Variants in SLC30A6 observed in about 807,000 individuals in gnomAD.
SLC30A6 encodes the protein zinc transporter 6.
In SLC30A6, 55 loss-of-function variants were observed where a neutral mutation model predicts 63.0. The ratio of observed to expected loss-of-function variants is 0.87; its 90% CI spans 0.70 to 1.09. The LOEUF (loss-of-function observed/expected upper bound fraction) is 1.09, where lower values mean the gene tolerates loss of function less well. Ranked by LOEUF, SLC30A6 falls within the 50% of genes least tolerant of loss-of-function variation. The pLI is 0.00. For synonymous variants in SLC30A6, 224 were observed against 186.1 expected (o/e 1.20, Z -1.66); for missense variants, 587 against 549.2 (o/e 1.07, Z -0.69).
intron 3 of SLC30A6, among the ~76,000 whole-genome samples, 186 bp downstream of exon 3, chr2:32,174,333 AT>A (rs370851487): frequency 2.6e-4 from 39 of 151,432 alleles, no homozygotes; most frequent in African/African-American, 9.2e-4. Flanking sequence ...TAGGATTGTA[AT>A]TTTTTTTTAA....
Position 32,171,639 on chromosome 2 carries a change from T to C in SLC30A6, c.90+266T>C, listed in dbSNP as rs974683417. On this transcript the variant is annotated intron_variant, in intron 2 of 13. Coordinates refer to ENST00000282587, the MANE Select transcript of SLC30A6 (RefSeq NM_017964.5). ...ATGGTTTTGTGGTTGCTTTTTGTTA[T>C]TAAGTTTTCAAAAAATTAAATGGAT... is the stretch of plus-strand genomic sequence containing the variant. Among the ~76,000 whole-genome samples the C allele has an allele frequency of 5.3e-5, 8 of 152,236 alleles. No homozygotes were observed. The South Asian group carries it at 8.3e-4, about 16-fold the overall frequency.
At chr2:32,190,353 G>A (rs1683216409) in intron 5 of SLC30A6, among the ~76,000 whole-genome samples, 1 of 151,908 alleles carries the variant, frequency 6.6e-6, no homozygotes, top group African/African-American at 2.4e-5. Context: ...CAGCTACTTG[G>A]GAGGCTGAGG....
At chr2:32,197,310 C>G in intron 8 of SLC30A6, 34 bp from the exon 9 acceptor site, 2 of 1,561,156 alleles carry the variant, frequency 1.3e-6, no homozygotes, top group East Asian at 2.3e-5. Flanking sequence ...TTTTTTTCTT[C>G]TATATAGATA....
At position 32,220,318 on chromosome 2, in the gene SLC30A6, AT is replaced by A; in HGVS notation, c.995del (p.Phe332SerfsTer20). ...TCTAGTGTCTACTCTAACTGTTCAAATTTTCAAGGATGACTGGATTAGGCCT... is the reference window on the plus strand; with the variant it reads ...TCTAGTGTCTACTCTAACTGTTCAAATTTCAAGGATGACTGGATTAGGCCT... ...YTLVSTLTVQ[I>X]FKDDWIRPAL... On this transcript the variant is annotated frameshift_variant, in exon 14 of 14. Coordinates refer to ENST00000282587, the MANE Select transcript of SLC30A6 (RefSeq NM_017964.5). LOFTEE classifies it high-confidence loss of function. The A allele has an allele frequency of 6.2e-7, 1 of 1,614,164 alleles. No individual in the cohort carries two copies. Among genetic ancestry groups the A allele is most frequent in the East Asian group, 2.2e-5 (1 of 44,886 alleles).
In SLC30A6 at chr2:32,220,202, G is replaced by A. The variant is rs776169020; in HGVS notation, c.886-11G>A. 5.0e-6 allele frequency: 8 copies of A among 1,597,130 alleles called. No homozygotes were observed. The South Asian group carries it at 8.9e-5, about 18-fold the overall frequency. On this transcript the variant is annotated splice_polypyrimidine_tract_variant and intron_variant, in intron 13 of 13. Transcript: ENST00000282587. ...TAAGCAATCTCTTTGTTATGATTTT[G>A]CCCCTTTTAGGCTGGATCAGTGCAT... is the stretch of plus-strand genomic sequence containing the variant.
At chr2:32,169,219 A>G (rs1379233626) in intron 1 of SLC30A6, among the ~76,000 whole-genome samples, 1 of 152,160 alleles carries the variant, frequency 6.6e-6, no homozygotes, top group Non-Finnish European at 1.5e-5. Flanking sequence ...TCTGTTGCCC[A>G]GGCTTGAGTA....
At chr2:32,191,666 T>TG (rs1464577207) in intron 5 of SLC30A6, among the ~76,000 whole-genome samples, 3 of 152,200 alleles carry the variant, frequency 2.0e-5, no homozygotes, top group African/African-American at 7.2e-5. Context: ...ACCTTCTACT[T>TG]GCTATCTATA....
At position 32,174,113 on chromosome 2, in the gene SLC30A6, C is replaced by T. The variant is rs1227070172; in HGVS notation, c.141C>T (p.Phe47=). Residue 47 remains phenylalanine, a synonymous_variant, in exon 3 of 14, where the codon TTC becomes TTT. Coordinates refer to ENST00000282587, the MANE Select transcript of SLC30A6 (RefSeq NM_017964.5). ...FGVINLICTG[F]LLMWCSSTNS... The stretch of plus-strand genomic sequence containing the variant: ...TAATAAACTTGATATGTACTGGCTT[C>T]CTGCTTATGTGGTGCAGTTCTACTA... The T allele has an allele frequency of 6.2e-7, 1 of 1,613,544 alleles. No individual in the cohort carries two copies. The highest frequency in any genetic ancestry group is 1.7e-5 in the Admixed American group (1 of 59,980).
intron 10 of SLC30A6, chr2:32,201,784 A>G: frequency 7.4e-7 from 1 of 1,356,792 alleles, no homozygotes; most frequent in South Asian, 1.2e-5. Flanking sequence ...CTGAAAATAC[A>G]TTACACAGTG....
intron 13 of SLC30A6, chr2:32,214,397 T>G (rs1334376368): frequency 6.6e-6 from 1 of 152,180 alleles, no homozygotes; most frequent in African/African-American, 2.4e-5. Flanking sequence ...CTACACACCT[T>G]GAGTCTTATG....
intron 11 of SLC30A6, among the ~76,000 whole-genome samples, chr2:32,206,656 G>C (rs1351170614): frequency 1.3e-5 from 2 of 152,124 alleles, no homozygotes; most frequent in African/African-American, 4.8e-5. Context: ...GGTTGTTTAA[G>C]TGTTATTTAT....
intron 10 of SLC30A6, chr2:32,203,927 G>C (rs1684517406): frequency 1.3e-5 from 11 of 836,528 alleles, no homozygotes. Context: ...CGCTCAGGAA[G>C]TTGACAAGAT....
At chr2:32,171,151 A>G (rs1050831790) in intron 1 of SLC30A6, 136 bp from the exon 2 acceptor site, 4 of 607,164 alleles carry the variant, frequency 6.6e-6, no homozygotes, top group Non-Finnish European at 1.1e-5. Flanking sequence ...TAAAGTGTCT[A>G]GAATAAGTGC....
chr2:32,214,797 G>T (rs898632456), intron 13 of SLC30A6, among the ~76,000 whole-genome samples: 1 of 152,152 alleles, frequency 6.6e-6, no homozygotes, highest in African/African-American at 2.4e-5. Context: ...TGAAAACAGA[G>T]TTTCCTTATT....
chr2:32,207,259 G>A (rs142438486), intron 12 of SLC30A6, among the ~76,000 whole-genome samples: 1 of 151,856 alleles, frequency 6.6e-6, no homozygotes, highest in East Asian at 1.9e-4. Context: ...TTGCCAGGCT[G>A]TAGTGCAGTG....
intron 1 of SLC30A6, 81 bp downstream of exon 1, chr2:32,165,984 C>T (rs1680608973): frequency 3.8e-6 from 6 of 1,597,144 alleles, no homozygotes; most frequent in East Asian, 2.2e-5. Context: ...CCTTGAAATC[C>T]CTCAGCCACC....
At chr2:32,204,534 T>G (rs1684572374) in intron 10 of SLC30A6, 56 bp from the exon 11 acceptor site, 6 of 1,184,502 alleles carry the variant, frequency 5.1e-6, no homozygotes, top group Non-Finnish European at 7.4e-6. Context: ...GAGATTTAAT[T>G]GTAATATGCC....
At chr2:32,211,929 C>T (rs1254568961) in intron 13 of SLC30A6, among the ~76,000 whole-genome samples, 3 of 152,076 alleles carry the variant, frequency 2.0e-5, no homozygotes, top group South Asian at 2.1e-4. Flanking sequence ...CCACAGTGCA[C>T]GCTTTTGATA....
chr2:32,212,894 A>ATTT (rs10522618), intron 13 of SLC30A6, among the ~76,000 whole-genome samples: 1 of 118,258 alleles, frequency 8.5e-6, no homozygotes, highest in Non-Finnish European at 1.7e-5. Context: ...TGTGTCCAGC[A>ATTT]TTTTTTTTTT....
Sources: gnomAD v4.1 joint callset for allele counts (sites outside exome capture counted in the v4.1 genomes callset) on GRCh38, gnomAD v4.1.1 for gene constraint, MANE v1.5 for transcripts, NCBI Gene and HGNC (gene_info 2026-07-23, HGNC 2026-07-21) for gene names.